The following RNF139 variants were observed in gnomAD, a reference collection of about 807,000 sequenced individuals.
RNF139 encodes E3 ubiquitin-protein ligase RNF139.
A neutral mutation model predicts 49.5 loss-of-function variants in RNF139; 15 were observed. The observed-to-expected ratio is 0.30, with a 90% CI of 0.20 to 0.47. RNF139 has a LOEUF of 0.47. RNF139 is among the 20% of genes least tolerant of loss of function. The probability of loss-of-function intolerance (pLI) is 1.00; values close to 1 mark genes in which losing one functional copy is unlikely to be tolerated. For synonymous variants in RNF139, 325 were observed against 300.9 expected (o/e 1.08, Z -0.83); for missense variants, 619 against 806.3 (o/e 0.77, Z 2.81).
In RNF139 at chr8:124,486,988, G is replaced by A; in HGVS notation, c.1339G>A (p.Asp447Asn). 1.2e-6 allele frequency: 2 copies of A among 1,613,982 alleles called. No homozygotes were observed. Among genetic ancestry groups the A allele is most frequent in the South Asian group, 1.1e-5 (1 of 91,072 alleles). The change falls in exon 2 of 2, where the codon GAT (aspartate) becomes AAT (asparagine). Residue 447 changes from aspartate (D) to asparagine (N), a missense_variant. Coordinates refer to ENST00000303545, the MANE Select transcript of RNF139 (RefSeq NM_007218.4). Reference protein sequence around the residue: ...SLTVYTLFMIDGYYNVLWEKL... With the variant: ...SLTVYTLFMINGYYNVLWEKL... ...CACTGTTTATACGTTATTCATGATTGATGGCTACTATAATGTCCTCTGGGA... is the reference window on the plus strand; with the variant it reads ...CACTGTTTATACGTTATTCATGATTAATGGCTACTATAATGTCCTCTGGGA...
chr8:124,478,058 G>C (rs912207248), intron 1 of RNF139, among the ~76,000 whole-genome samples: 1 of 151,794 alleles, frequency 6.6e-6, no homozygotes, highest in Admixed American at 6.6e-5. Context: ...CAGGAGAATC[G>C]CTTGAACCAG....
intron 1 of RNF139, among the ~76,000 whole-genome samples, chr8:124,479,184 AG>A (rs1816364568): frequency 6.6e-6 from 1 of 152,046 alleles, no homozygotes; most frequent in Non-Finnish European, 1.5e-5. Context: ...TCCACCTCCC[AG>A]GTTCAAGCGA....
At chr8:124,477,554 C>A (rs1303784485) in intron 1 of RNF139, among the ~76,000 whole-genome samples, 1 of 152,180 alleles carries the variant, frequency 6.6e-6, no homozygotes. Flanking sequence ...GAAGTATTTA[C>A]TCCCCTCTAC....
rs139045239 is a variant in RNF139, at chr8:124,485,135, G to A, written c.182-696G>A. Reference sequence around the variant, plus strand: ...ATCCCAGCACTTTGGGAGGCAAGGCGGGCGGATCACTTGACGTCAGGAGTT... The same window carrying A: ...ATCCCAGCACTTTGGGAGGCAAGGCAGGCGGATCACTTGACGTCAGGAGTT... On this transcript the variant is annotated intron_variant, in intron 1 of 1. Coordinates refer to ENST00000303545, the MANE Select transcript of RNF139 (RefSeq NM_007218.4). Among the ~76,000 whole-genome samples the A allele has an allele frequency of 5.3e-3, 801 of 152,190 alleles. 9 individuals carry two copies. Among genetic ancestry groups the A allele is most frequent in the Non-Finnish European group, 8.1e-3 (553 of 67,970 alleles).
At position 124,487,410 on chromosome 8, in the gene RNF139, G is replaced by A. The variant is rs200390953; in HGVS notation, c.1761G>A (p.Gln587=). ...YIQDTCPMCH[Q]KVYIEDDIKD... ...AAGATACTTGTCCAATGTGCCATCA[G>A]AAAGTATACATCGAAGATGATATCA... Residue 587 remains glutamine (Q), a synonymous_variant, in exon 2 of 2, where the codon CAG becomes CAA. Coordinates refer to ENST00000303545, the MANE Select transcript of RNF139 (RefSeq NM_007218.4). 8 of 1,614,078 alleles carry A rather than the reference G, an allele frequency of 5.0e-6. No homozygotes were observed. The African/African-American group carries it at 9.3e-5, about 19-fold the overall frequency.
At chr8:124,482,909 G>A (rs112629245) in intron 1 of RNF139, among the ~76,000 whole-genome samples, 6,956 of 120,368 alleles carry the variant, frequency 0.058, 311 homozygotes, top group South Asian at 0.22. Flanking sequence ...CTGGGCAACA[G>A]GAGCGAAACT....
intron 1 of RNF139, among the ~76,000 whole-genome samples, 187 bp downstream of exon 1, chr8:124,475,477 G>A (rs955670952): frequency 6.6e-6 from 1 of 152,220 alleles, no homozygotes; most frequent in African/African-American, 2.4e-5. Context: ...AGTTGACAGC[G>A]GAGCAGTCCC....
Position 124,487,547 on chromosome 8 carries a change from A to T in RNF139, c.1898A>T (p.Asp633Val), listed in dbSNP as rs1816560059. Residue 633 changes from aspartate (D) to valine (V), a missense_variant, in exon 2 of 2, where the codon GAC becomes GTC. Asp to Val is a radical substitution (Grantham distance 152). This residue lies in a region of RNF139 where 530 missense variants were observed against 728.9 expected (regional missense o/e 0.73). Coordinates refer to ENST00000303545, the MANE Select transcript of RNF139 (RefSeq NM_007218.4). Reference protein sequence around the residue: ...AESDRELNEDDSTDCDDDVQR... With the variant: ...AESDRELNEDVSTDCDDDVQR... ...TCTGACAGGGAATTGAACGAAGATGACAGTACAGATTGTGATGATGATGTT... is the reference window on the plus strand; with the variant it reads ...TCTGACAGGGAATTGAACGAAGATGTCAGTACAGATTGTGATGATGATGTT... The T allele has an allele frequency of 6.2e-7, 1 of 1,614,062 alleles. No individual in the cohort carries two copies. Among genetic ancestry groups the T allele is most frequent in the Admixed American group, 1.7e-5 (1 of 60,008 alleles).
Position 124,475,188 on chromosome 8 carries a change from C to A in RNF139, c.79C>A (p.Arg27=). 1 of 1,613,946 alleles carries A rather than the reference C, an allele frequency of 6.2e-7. No homozygotes were observed. Among genetic ancestry groups the A allele is most frequent in the South Asian group, 1.1e-5 (1 of 91,064 alleles). ...QVWAALEVAL[R]VPCLYIIDAI... ...CTGGGCGGCGCTCGAAGTGGCGCTCCGGGTGCCCTGCCTTTACATCATCGA... is the reference window on the plus strand; with the variant it reads ...CTGGGCGGCGCTCGAAGTGGCGCTCAGGGTGCCCTGCCTTTACATCATCGA... The change falls in exon 1 of 2, where the codon CGG becomes AGG. Residue 27 remains arginine (R), a synonymous_variant. Transcript: ENST00000303545.
At position 124,487,223 on chromosome 8, in the gene RNF139, C is replaced by G. The variant is rs1487181625; in HGVS notation, c.1574C>G (p.Ala525Gly). ...GWKTFMNRRT[A>G]VKKINSLPEI... ...AAGACATTTATGAATCGTAGGACTG[C>G]TGTGAAGAAAATTAATTCACTTCCT... Residue 525 changes from alanine (A) to glycine (G), a missense_variant, in exon 2 of 2, where the codon GCT becomes GGT. Transcript: ENST00000303545. 3.7e-6 allele frequency: 6 copies of G among 1,613,812 alleles called. No homozygotes were observed. Among genetic ancestry groups the G allele is most frequent in the Non-Finnish European group, 5.1e-6 (6 of 1,179,910 alleles).
chr8:124,487,923 A>C lies in RNF139; in HGVS notation c.*279A>C. ...CAAAATTTGAACAAATAGCTTTTTA[A>C]TAGATGTAATGATCATATGGTGCGT... On this transcript the variant is annotated 3_prime_UTR_variant, in exon 2 of 2. Coordinates refer to ENST00000303545, the MANE Select transcript of RNF139 (RefSeq NM_007218.4). The C allele has an allele frequency of 3.2e-6, 1 of 312,698 alleles. No homozygotes were observed. Among genetic ancestry groups the C allele is most frequent in the Admixed American group, 4.6e-5 (1 of 21,910 alleles). 19.4% of individuals were successfully genotyped at this position (312,698 alleles called of 1,614,324 possible).
chr8:124,482,075 G>A (rs1816423244), intron 1 of RNF139, among the ~76,000 whole-genome samples: 1 of 152,060 alleles, frequency 6.6e-6, no homozygotes, highest in Admixed American at 6.6e-5. Flanking sequence ...ATCTTGGGGG[G>A]TGTGATTTTA....
rs1362037178 is a variant in RNF139 at position 124,475,126 on chromosome 8, C to T, written c.17C>T (p.Pro6Leu). Reference sequence around the variant, plus strand: ...CAGCGGCTCATGGCGGCCGTGGGGCCCCCGCAGCAGCAGGTGCGGATGGCC... The same window carrying T: ...CAGCGGCTCATGGCGGCCGTGGGGCTCCCGCAGCAGCAGGTGCGGATGGCC... Reference protein sequence around the residue: MAAVGPPQQQVRMAHQ... With the variant: MAAVGLPQQQVRMAHQ... The change falls in exon 1 of 2, where the codon CCC (proline) becomes CTC (leucine). Residue 6 changes from proline to leucine, a missense_variant. This residue lies in a region of RNF139 where 89 missense variants were observed against 77.5 expected (regional missense o/e 1.15). Transcript: ENST00000303545. 1.3e-6 allele frequency: 2 copies of T among 1,598,296 alleles called. No individual in the cohort carries two copies. Among genetic ancestry groups the T allele is most frequent in the Non-Finnish European group, 1.7e-6 (2 of 1,175,402 alleles).
In RNF139 at chr8:124,486,012, A is replaced by G; in HGVS notation, c.363A>G (p.Arg121=). ...TSAFGIELLP[R]KGPSLWMALI... ...CTTTTGGAATTGAGCTGCTTCCTCG[A>G]AAAGGTCCCTCGCTGTGGATGGCAC... Residue 121 remains arginine, a synonymous_variant, in exon 2 of 2, where the codon CGA becomes CGG. Transcript: ENST00000303545. The G allele has an allele frequency of 6.2e-7, 1 of 1,614,184 alleles. No homozygotes were observed. Among genetic ancestry groups the G allele is most frequent in the East Asian group, 2.2e-5 (1 of 44,882 alleles).
intron 1 of RNF139, chr8:124,483,217 A>G (rs1586524894): frequency 7.4e-6 from 1 of 135,286 alleles, no homozygotes; most frequent in East Asian, 2.2e-4. Context: ...AGAGGTTTAT[A>G]TGTCTTCTAC....
intron 1 of RNF139, among the ~76,000 whole-genome samples, chr8:124,475,808 G>A (rs1406168681): frequency 1.3e-5 from 2 of 152,154 alleles, no homozygotes; most frequent in Non-Finnish European, 2.9e-5. Flanking sequence ...GGTTTTGAAT[G>A]TCAGACCTTG....
At position 124,486,266 on chromosome 8, in the gene RNF139, G is replaced by T. The variant is rs1563632415; in HGVS notation, c.617G>T (p.Arg206Leu). 1.9e-6 allele frequency: 3 copies of T among 1,613,984 alleles called. No individual in the cohort carries two copies. Among genetic ancestry groups the T allele is most frequent in the Admixed American group, 1.7e-5 (1 of 60,022 alleles). ...CTGAAGTGGTTTTATTATTCCACAC[G>T]ATATGTTTATCTTTTGGTGAGGCAC... is the stretch of plus-strand genomic sequence containing the variant. ...VKLKWFYYST[R>L]YVYLLVRHMY... is the part of the protein sequence containing the mutation. Residue 206 changes from arginine to leucine, a missense_variant, in exon 2 of 2, where the codon CGA (arginine) becomes CTA (leucine). Physicochemically the swap from Arg to Leu is moderately radical, Grantham distance 102. This residue lies in a region of RNF139 where 530 missense variants were observed against 728.9 expected (regional missense o/e 0.73). Coordinates refer to ENST00000303545, the MANE Select transcript of RNF139 (RefSeq NM_007218.4).
At position 124,487,544 on chromosome 8, in the gene RNF139, A is replaced by G. The variant is rs1355779558; in HGVS notation, c.1895A>G (p.Asp632Gly). ...GAATCTGACAGGGAATTGAACGAAGATGACAGTACAGATTGTGATGATGAT... is the reference window on the plus strand; with the variant it reads ...GAATCTGACAGGGAATTGAACGAAGGTGACAGTACAGATTGTGATGATGAT... Reference protein sequence around the residue: ...AAESDRELNEDDSTDCDDDVQ... With the variant: ...AAESDRELNEGDSTDCDDDVQ... The change falls in exon 2 of 2, where the codon GAT becomes GGT. Residue 632 changes from aspartate (D) to glycine (G), a missense_variant. Around this residue, in one of 2 missense-constraint regions of RNF139, gnomAD observed 530 missense variants for 728.9 expected, o/e 0.73. Coordinates refer to ENST00000303545, the MANE Select transcript of RNF139 (RefSeq NM_007218.4). The G allele has an allele frequency of 2.5e-6, 4 of 1,614,044 alleles. No individual in the cohort carries two copies. Among genetic ancestry groups the G allele is most frequent in the Admixed American group, 1.7e-5 (1 of 60,000 alleles).
chr8:124,486,863 TACTC>T lies in RNF139; in HGVS notation c.1216_1219del (p.Leu406ValfsTer10), dbSNP rs1406844226. The T allele has an allele frequency of 1.9e-6, 3 of 1,613,992 alleles. No homozygotes were observed. Among genetic ancestry groups the T allele is most frequent in the Admixed American group, 1.7e-5 (1 of 60,000 alleles). On this transcript the variant is annotated frameshift_variant, in exon 2 of 2. Transcript: ENST00000303545. LOFTEE classifies it high-confidence loss of function. ...GCTTGCCTGTTTATTCTTCCTGTCT[TACTC>T]AGTTATGTTCTTTGGCATCACTATG... is the stretch of plus-strand genomic sequence containing the variant.
Sources: allele counts gnomAD v4.1 joint callset (sites outside exome capture counted in the v4.1 genomes callset), GRCh38; gene constraint gnomAD v4.1.1; regional missense constraint gnomAD v4.1.1; transcripts MANE v1.5; gene names NCBI Gene and HGNC (gene_info 2026-07-23, HGNC 2026-07-21).